The following PTPRN2 variants were observed in gnomAD, a reference collection of about 807,000 sequenced individuals.
PTPRN2 encodes protein tyrosine phosphatase receptor type N2, also known as receptor-type tyrosine-protein phosphatase N2.
Under a neutral mutation model 118.8 loss-of-function variants are expected in PTPRN2, and 74 were observed. That is an observed-to-expected ratio of 0.62 (90% confidence interval 0.52 to 0.76). The LOEUF (loss-of-function observed/expected upper bound fraction) is 0.76, where lower values mean the gene tolerates loss of function less well. Among genes scored for constraint, PTPRN2 ranks in the 30% least tolerant of loss-of-function variants. The probability of loss-of-function intolerance (pLI) is 0.00; values close to 1 mark genes in which losing one functional copy is unlikely to be tolerated. For missense variants in PTPRN2, 1,481 were observed against 1,394.4 expected (o/e 1.06, Z -0.99); for synonymous variants, 641 against 608.0 (o/e 1.05, Z -0.80).
rs946222654 is a variant in PTPRN2, at chr7:157,729,505, C to T, written c.1789-46568G>A. The stretch of plus-strand genomic sequence containing the variant: ...GCTAAAATGCAAAGTTCCCCGAAGG[C>T]AGGTGGGCACTGTGCTGGTGCTGTC... On this transcript the variant is annotated intron_variant, in intron 12 of 22. Transcript: ENST00000389418. This position sits in a 1 kb window ranked among gnomAD's most constrained non-coding sequence, Gnocchi z 4.3. Among the ~76,000 whole-genome samples, 3 of 152,214 alleles carry T rather than the reference C, an allele frequency of 2.0e-5. No individual in the cohort carries two copies. The highest frequency in any genetic ancestry group is 4.8e-5 in the African/African-American group (2 of 41,448).
rs773819895 is a variant in PTPRN2, at chr7:158,587,531, G to C, written c.112+27C>G. The C allele has an allele frequency of 3.0e-5, 37 of 1,226,248 alleles. 1 individual carries two copies. In the African/African-American group the frequency reaches 5.4e-4, roughly 18 times the overall value. The allele number at this position is 1,226,248 out of a possible 1,614,324, so 76.0% of individuals were successfully genotyped here. A position where few individuals can be genotyped will look rare whatever the true frequency, so the allele number is the denominator to read the frequency against. The stretch of plus-strand genomic sequence containing the variant: ...ACGCCCCCAACTAATTCATTGAGGC[G>C]CCCCTCCCCCGGCGCCCCCCACTCA... On this transcript the variant is annotated intron_variant, in intron 1 of 22. Transcript: ENST00000389418.
chr7:158,001,534 G>A (rs1318897506), intron 11 of PTPRN2, among the ~76,000 whole-genome samples: 1 of 152,084 alleles, frequency 6.6e-6, no homozygotes, highest in Non-Finnish European at 1.5e-5. Flanking sequence ...CCACGGCTGG[G>A]GACGTGCACA....
At chr7:158,554,108 T>C (rs994124047) in intron 1 of PTPRN2, among the ~76,000 whole-genome samples, 6 of 152,142 alleles carry the variant, frequency 3.9e-5, no homozygotes, top group South Asian at 2.1e-4. Context: ...CTTCTAAAAA[T>C]ACAAAAAATT....
chr7:158,239,139 G>A (rs909892309), intron 3 of PTPRN2, among the ~76,000 whole-genome samples: 2 of 152,158 alleles, frequency 1.3e-5, no homozygotes, highest in Non-Finnish European at 2.9e-5. Context: ...AGGACCGAGG[G>A]CCTTCTCTGA....
intron 11 of PTPRN2, among the ~76,000 whole-genome samples, chr7:157,983,803 A>G (rs1191577141): frequency 6.6e-6 from 1 of 152,170 alleles, no homozygotes; most frequent in Non-Finnish European, 1.5e-5. Flanking sequence ...TGTTAAGTGG[A>G]AATTGTCTGG....
intron 11 of PTPRN2, among the ~76,000 whole-genome samples, chr7:158,047,731 G>C (rs1808992052): frequency 6.6e-6 from 1 of 152,250 alleles, no homozygotes; most frequent in Non-Finnish European, 1.5e-5. Flanking sequence ...GCTGGGCACA[G>C]CTGGTGCACT....
intron 5 of PTPRN2, among the ~76,000 whole-genome samples, chr7:158,191,156 T>G (rs935715313): frequency 1.3e-5 from 2 of 152,174 alleles, no homozygotes; most frequent in Non-Finnish European, 2.9e-5. Context: ...TCGAGGTCTG[T>G]GGGGGTTGCC....
chr7:157,672,348 C>A (rs1463098040), intron 13 of PTPRN2, among the ~76,000 whole-genome samples: 4 of 152,154 alleles, frequency 2.6e-5, no homozygotes. Context: ...TATATTTGTT[C>A]TCCTTGAATC....
intron 14 of PTPRN2, among the ~76,000 whole-genome samples, chr7:157,630,974 C>T (rs1462928897): frequency 2.6e-5 from 4 of 152,200 alleles, no homozygotes; most frequent in African/African-American, 4.8e-5. Context: ...AAGCCTCCTC[C>T]TGTGGGCACC....
At chr7:157,792,478 C>T (rs528220344) in intron 12 of PTPRN2, among the ~76,000 whole-genome samples, 128 of 152,342 alleles carry the variant, frequency 8.4e-4, no homozygotes, top group Non-Finnish European at 1.4e-3. Context: ...CGTCCCAGCA[C>T]CAGCTGCCTT....
chr7:158,323,715 G>A (rs10434943), intron 2 of PTPRN2, among the ~76,000 whole-genome samples: 10 of 152,158 alleles, frequency 6.6e-5, no homozygotes, highest in South Asian at 2.1e-4. Context: ...AATTTCATTC[G>A]CAAGCGTCAC....
intron 2 of PTPRN2, among the ~76,000 whole-genome samples, chr7:158,380,479 C>T (rs1166597089): frequency 6.6e-6 from 1 of 152,240 alleles, no homozygotes; most frequent in Non-Finnish European, 1.5e-5. Flanking sequence ...CCATGTCAAA[C>T]ATCTGGGTCA....
chr7:158,455,704 C>T (rs111911569), intron 2 of PTPRN2, among the ~76,000 whole-genome samples: 12 of 109,392 alleles, frequency 1.1e-4, no homozygotes, highest in Admixed American at 2.7e-4. Context: ...GCAGAGAAGA[C>T]AACGGCATGG....
chr7:158,510,587 T>TTCTA (rs1176846269), intron 1 of PTPRN2, among the ~76,000 whole-genome samples: 1 of 152,226 alleles, frequency 6.6e-6, no homozygotes, highest in Non-Finnish European at 1.5e-5. Context: ...GAACTCCCTC[T>TTCTA]TCTATTCCTA....
At chr7:158,144,713 G>A (rs1242482873) in intron 6 of PTPRN2, among the ~76,000 whole-genome samples, 1 of 152,200 alleles carries the variant, frequency 6.6e-6, no homozygotes, top group Admixed American at 6.5e-5. Flanking sequence ...TCCAGGGCAG[G>A]CTGGCGCTTC....
rs550469794 is a variant in PTPRN2 at position 157,813,681 on chromosome 7, C to T, written c.1788+84992G>A. ...CTGCATCGCTGTATTTTCCAGATGT[C>T]CACTGAGGAATGAGCATTGCTTTTT... is the stretch of plus-strand genomic sequence containing the variant. On this transcript the variant is annotated intron_variant, in intron 12 of 22. Coordinates refer to ENST00000389418, the MANE Select transcript of PTPRN2 (RefSeq NM_002847.5). The surrounding 1 kb of genome is among the most constrained non-coding windows in gnomAD (Gnocchi z 4.7). Among the ~76,000 whole-genome samples, 25 of 152,038 alleles carry T rather than the reference C, an allele frequency of 1.6e-4. No homozygotes were observed. Among genetic ancestry groups the T allele is most frequent in the Non-Finnish European group, 8.8e-5 (6 of 68,026 alleles).
At chr7:157,795,154 G>A (rs1303393750) in intron 12 of PTPRN2, among the ~76,000 whole-genome samples, 2 of 133,456 alleles carry the variant, frequency 1.5e-5, no homozygotes, top group Admixed American at 7.2e-5. Context: ...AGGCACTTCG[G>A]CGGGGTCGGG....
intron 2 of PTPRN2, among the ~76,000 whole-genome samples, chr7:158,421,799 A>C (rs1815278277): frequency 6.6e-6 from 1 of 152,242 alleles, no homozygotes. Context: ...GAAATTAAAA[A>C]GTTTTACATT....
At chr7:157,766,598 G>C (rs551492382) in intron 12 of PTPRN2, among the ~76,000 whole-genome samples, 2 of 152,256 alleles carry the variant, frequency 1.3e-5, no homozygotes, top group Non-Finnish European at 2.9e-5. Flanking sequence ...CACTTGCAGA[G>C]TGTGTTTGGA....
Sources: gnomAD v4.1 joint callset for allele counts (sites outside exome capture counted in the v4.1 genomes callset) on GRCh38, gnomAD v4.1.1 for gene constraint, Gnocchi (gnomAD v3.1) non-coding constraint, MANE v1.5 for transcripts, NCBI Gene and HGNC (gene_info 2026-07-23, HGNC 2026-07-21) for gene names.